The following TLR8 variants were observed in gnomAD, a reference collection of about 807,000 sequenced individuals.
TLR8 encodes toll-like receptor 8.
Under a neutral mutation model 18.5 loss-of-function variants are expected in TLR8, and 5 were observed. The ratio of observed to expected loss-of-function variants is 0.27; its 90% CI spans 0.14 to 0.57. TLR8 has a LOEUF of 0.57. Ranked by LOEUF, TLR8 falls within the 20% of genes least tolerant of loss-of-function variation. TLR8 has a pLI of 0.92. For missense variants in TLR8, 543 were observed against 769.8 expected (o/e 0.71, Z 3.49); for synonymous variants, 299 against 300.1 (o/e 1.00, Z 0.04).
At chrX:12,911,076 T>C (rs1006284871) in intron 1 of TLR8, among the ~76,000 whole-genome samples, 3 of 110,892 alleles carry the variant, frequency 2.7e-5, no homozygotes, top group Non-Finnish European at 5.7e-5. Flanking sequence ...ATAAGGGTGT[T>C]CATTGCAGCA....
In TLR8 at chrX:12,922,348, A is replaced by T; in HGVS notation, c.*182A>T. On this transcript the variant is annotated 3_prime_UTR_variant, in exon 2 of 2. Transcript: ENST00000218032. Reference sequence around the variant, plus strand: ...CCCAGCATAACTGGGTCCTCTGCTCAGGGTGTCTCAGAGGCTGCAATGTAG... The same window carrying T: ...CCCAGCATAACTGGGTCCTCTGCTCTGGGTGTCTCAGAGGCTGCAATGTAG... 2.0e-6 allele frequency: 1 copy of T among 496,640 alleles called. No homozygotes were observed. Among genetic ancestry groups the T allele is most frequent in the Non-Finnish European group, 3.2e-6 (1 of 308,360 alleles). The allele number at this position is 496,640 out of a possible 1,213,427, so 40.9% of individuals were successfully genotyped here.
At chrX:12,907,797 G>A (rs1045631663) in intron 1 of TLR8, among the ~76,000 whole-genome samples, 5 of 110,795 alleles carry the variant, frequency 4.5e-5, no homozygotes, top group African/African-American at 1.6e-4. Context: ...AAAGTGCTGG[G>A]ATTACAGGCA....
intron 1 of TLR8, among the ~76,000 whole-genome samples, chrX:12,912,529 C>A (rs900203239): frequency 8.8e-6 from 1 of 113,757 alleles, no homozygotes; most frequent in Non-Finnish European, 1.9e-5. Context: ...CATTCCAACT[C>A]TGTGCAGTCC....
At chrX:12,916,176 T>C (rs983325083) in intron 1 of TLR8, among the ~76,000 whole-genome samples, 1 of 112,176 alleles carries the variant, frequency 8.9e-6, no homozygotes, top group East Asian at 2.8e-4. Context: ...CCAGTTGCCT[T>C]GACTAGGCCA....
rs768875789 is a variant in TLR8 at position 12,920,084 on chromosome X, T to C, written c.1044T>C (p.Tyr348=). ...RLEILDLSFN[Y]IKGSYPQHIN... is the part of the protein sequence containing the mutation. ...AAATACTTGACTTGTCTTTTAACTA[T>C]ATAAAGGGGAGTTATCCACAGCATA... is the stretch of plus-strand genomic sequence containing the variant. The change falls in exon 2 of 2, where the codon TAT becomes TAC. Residue 348 remains tyrosine, a synonymous_variant. Coordinates refer to ENST00000218032, the MANE Select transcript of TLR8 (RefSeq NM_138636.5). 8.3e-7 allele frequency: 1 copy of C among 1,209,694 alleles called. No homozygotes were observed. Among genetic ancestry groups the C allele is most frequent in the Non-Finnish European group, 1.1e-6 (1 of 894,568 alleles).
chrX:12,911,952 TCTC>T (rs1275828303), intron 1 of TLR8, among the ~76,000 whole-genome samples: 1 of 112,632 alleles, frequency 8.9e-6, no homozygotes, highest in African/African-American at 3.2e-5. Context: ...TCAGCTGTTG[TCTC>T]CTCCTACACT....
chrX:12,909,429 A>C (rs1379508680), intron 1 of TLR8, among the ~76,000 whole-genome samples: 1 of 112,430 alleles, frequency 8.9e-6, no homozygotes, highest in African/African-American at 3.2e-5. Flanking sequence ...ATATAAATAC[A>C]TAACCTGTGG....
chrX:12,921,071 G>C lies in TLR8; in HGVS notation c.2031G>C (p.Lys677Asn). The change falls in exon 2 of 2, where the codon AAG becomes AAC. Residue 677 changes from lysine to asparagine, a missense_variant. Physicochemically the swap from Lys to Asn is moderately conservative, Grantham distance 94 (BLOSUM62 0). Transcript: ENST00000218032. ...TELHINDNML[K>N]FFNWTLLQQF... ...TACATATAAATGATAATATGTTAAA[G>C]TTTTTTAACTGGACATTACTCCAGC... The C allele has an allele frequency of 8.3e-7, 1 of 1,211,193 alleles. No homozygotes were observed. Among genetic ancestry groups the C allele is most frequent in the East Asian group, 3.0e-5 (1 of 33,855 alleles).
In TLR8 at chrX:12,920,395, G is replaced by T. The variant is rs753639022; in HGVS notation, c.1355G>T (p.Arg452Leu). The part of the protein sequence containing the change: ...ANSSSFQRHI[R>L]KRRSTDFEFD... ...AGTTCCTCTTTTCAACGTCATATCC[G>T]GAAACGACGCTCAACAGATTTTGAG... Residue 452 changes from arginine (R) to leucine (L), a missense_variant, in exon 2 of 2, where the codon CGG (arginine) becomes CTG (leucine). Physicochemically the swap from Arg to Leu is moderately radical, Grantham distance 102. Transcript: ENST00000218032. The T allele has an allele frequency of 8.3e-7, 1 of 1,208,844 alleles. No homozygotes were observed. Among genetic ancestry groups the T allele is most frequent in the East Asian group, 3.0e-5 (1 of 33,818 alleles).
At chrX:12,912,545 G>A (rs757350850) in intron 1 of TLR8, among the ~76,000 whole-genome samples, 6 of 113,540 alleles carry the variant, frequency 5.3e-5, no homozygotes, top group Admixed American at 1.8e-4. Flanking sequence ...AGTCCTGCAC[G>A]GAATATAGAA....
At chrX:12,912,662 G>A (rs1488392049) in intron 1 of TLR8, among the ~76,000 whole-genome samples, 43 of 112,981 alleles carry the variant, frequency 3.8e-4, no homozygotes, top group Non-Finnish European at 4.1e-4. Flanking sequence ...GGAATTTGTC[G>A]ACTCATGTTT....
rs2043080537 is a variant in TLR8, at chrX:12,919,658, A to G, written c.618A>G (p.Leu206=). The change falls in exon 2 of 2, where the codon CTA becomes CTG. Residue 206 remains leucine (L), a synonymous_variant. Transcript: ENST00000218032. The part of the protein sequence containing the change: ...VFETLTNLEL[L]SLSFNSLSHV... Reference sequence around the variant, plus strand: ...AAACGCTGACAAATTTGGAGTTGCTATCACTATCTTTCAATTCTCTTTCAC... The same window carrying G: ...AAACGCTGACAAATTTGGAGTTGCTGTCACTATCTTTCAATTCTCTTTCAC... The G allele has an allele frequency of 3.3e-6, 4 of 1,211,772 alleles. No individual in the cohort carries two copies. Among genetic ancestry groups the G allele is most frequent in the Non-Finnish European group, 3.4e-6 (3 of 895,416 alleles).
chrX:12,914,459 C>T (rs1300288634), intron 1 of TLR8, among the ~76,000 whole-genome samples: 2 of 111,129 alleles, frequency 1.8e-5, no homozygotes, highest in East Asian at 2.8e-4. Flanking sequence ...TACTGGACAC[C>T]TCTACTTGAA....
In TLR8 at chrX:12,920,600, G is replaced by A. The variant is rs1218266103; in HGVS notation, c.1560G>A (p.Val520=). The change falls in exon 2 of 2, where the codon GTG becomes GTA. Residue 520 remains valine (V), a synonymous_variant. Transcript: ENST00000218032. The part of the protein sequence containing the change: ...LNLSANSNAQ[V]LSGTEFSAIP... Reference sequence around the variant, plus strand: ...TGTCTGCAAATAGCAATGCTCAAGTGTTAAGTGGAACTGAATTTTCAGCCA... The same window carrying A: ...TGTCTGCAAATAGCAATGCTCAAGTATTAAGTGGAACTGAATTTTCAGCCA... 1.7e-6 allele frequency: 2 copies of A among 1,210,966 alleles called. No individual in the cohort carries two copies. The highest frequency in any genetic ancestry group is 2.2e-6 in the Non-Finnish European group (2 of 895,098).
Position 12,910,475 on chromosome X carries a change from T to C in TLR8, c.3+3766T>C, listed in dbSNP as rs752185230. ...GCTGTTAATTCCAGGAAGACAGCTT[T>C]ACGCCCCTCCCAGACCACCTGCACT... On this transcript the variant is annotated intron_variant, in intron 1 of 1. Coordinates refer to ENST00000218032, the MANE Select transcript of TLR8 (RefSeq NM_138636.5). 165 of 1,158,772 alleles carry C rather than the reference T, an allele frequency of 1.4e-4. No homozygotes were observed. In the South Asian group the frequency reaches 2.9e-3, roughly 21 times the overall value.
rs1199055160 is a variant in TLR8, at chrX:12,921,723, G to A, written c.2683G>A (p.Asp895Asn). The A allele has an allele frequency of 1.7e-6, 2 of 1,209,575 alleles. No individual in the cohort carries two copies. Among genetic ancestry groups the A allele is most frequent in the Non-Finnish European group, 2.2e-6 (2 of 894,995 alleles). The change falls in exon 2 of 2, where the codon GAC becomes AAC. Residue 895 changes from aspartate (D) to asparagine (N), a missense_variant. Transcript: ENST00000218032. ...SYDTKDASVT[D>N]WVINELRYHL... ...TGACACCAAAGATGCCTCTGTTACT[G>A]ACTGGGTGATAAATGAGCTGCGCTA...
intron 1 of TLR8, chrX:12,908,332 C>T (rs2042998790): frequency 1.0e-5 from 1 of 98,484 alleles, no homozygotes; most frequent in African/African-American, 3.6e-5. Context: ...CGGAGTAAGA[C>T]TCTGTTTCAA....
rs779645774 is a variant in TLR8 at position 12,920,949 on chromosome X, G to A, written c.1909G>A (p.Gly637Ser). 1.7e-6 allele frequency: 2 copies of A among 1,210,972 alleles called. No homozygotes were observed. The highest frequency in any genetic ancestry group is 2.2e-6 in the Non-Finnish European group (2 of 895,130). The change falls in exon 2 of 2, where the codon GGT becomes AGT. Residue 637 changes from glycine to serine, a missense_variant. Coordinates refer to ENST00000218032, the MANE Select transcript of TLR8 (RefSeq NM_138636.5). ...CAACAGGTATATCTCCATTTTCAAA[G>A]GTCTCAAGAATCTGACACGTCTGGA... ...DDNRYISIFKGLKNLTRLDLS... is the reference protein window; with the variant it reads ...DDNRYISIFKSLKNLTRLDLS...
chrX:12,919,444 A>T lies in TLR8; in HGVS notation c.404A>T (p.Asn135Ile). ...CTAAGGGAGTTACTGCTTGAAGACA[A>T]CCAGTTACCCCAAATACCCTCTGGT... ...KNLRELLLED[N>I]QLPQIPSGLP... Residue 135 changes from asparagine (N) to isoleucine (I), a missense_variant, in exon 2 of 2, where the codon AAC (asparagine) becomes ATC (isoleucine). Transcript: ENST00000218032. The T allele has an allele frequency of 8.3e-7, 1 of 1,211,117 alleles. No individual in the cohort carries two copies. The highest frequency in any genetic ancestry group is 3.0e-5 in the East Asian group (1 of 33,853).
Sources: gnomAD v4.1 joint callset for allele counts (sites outside exome capture counted in the v4.1 genomes callset) on GRCh38, gnomAD v4.1.1 for gene constraint, MANE v1.5 for transcripts, NCBI Gene and HGNC (gene_info 2026-07-23, HGNC 2026-07-21) for gene names.